CCDC149: variants seen among roughly 807,000 people sequenced by gnomAD.
CCDC149 encodes the protein coiled-coil domain containing 149.
Under a neutral mutation model 59.9 loss-of-function variants are expected in CCDC149, and 45 were observed. That is an observed-to-expected ratio of 0.75 (90% CI 0.59 to 0.96). The LOEUF (loss-of-function observed/expected upper bound fraction) is 0.96, where lower values mean the gene tolerates loss of function less well. Among genes scored for constraint, CCDC149 ranks in the 40% least tolerant of loss-of-function variants. CCDC149 has a pLI of 0.00. For missense variants in CCDC149, 584 were observed against 664.7 expected (o/e 0.88, Z 1.33); for synonymous variants, 245 against 260.6 (o/e 0.94, Z 0.58).
intron 1 of CCDC149, among the ~76,000 whole-genome samples, chr4:24,950,148 G>A (rs1235548333): frequency 6.6e-6 from 1 of 152,226 alleles, no homozygotes; most frequent in Non-Finnish European, 1.5e-5. Flanking sequence ...TCAGCCTCAT[G>A]AGGTGGCAGA....
intron 1 of CCDC149, among the ~76,000 whole-genome samples, chr4:24,895,584 C>T (rs1270144675): frequency 6.6e-6 from 1 of 152,160 alleles, no homozygotes; most frequent in East Asian, 1.9e-4. Context: ...TAGATAACAC[C>T]TTCAGTCATT....
At chr4:24,938,695 C>G (rs1201182053) in intron 1 of CCDC149, among the ~76,000 whole-genome samples, 1 of 152,202 alleles carries the variant, frequency 6.6e-6, no homozygotes, top group African/African-American at 2.4e-5. Context: ...CACTCCCACC[C>G]TAACACTACG....
At chr4:24,923,766 C>T (rs1371808656) in intron 1 of CCDC149, among the ~76,000 whole-genome samples, 3 of 152,292 alleles carry the variant, frequency 2.0e-5, no homozygotes, top group East Asian at 3.9e-4. Flanking sequence ...TGCTGGGAAC[C>T]TTTGAAGTGT....
Position 24,839,421 on chromosome 4 carries a change from C to T in CCDC149, c.373-1149G>A, listed in dbSNP as rs543249286. Among the ~76,000 whole-genome samples, 25 of 152,220 alleles carry T rather than the reference C, an allele frequency of 1.6e-4. No homozygotes were observed. In the East Asian group the frequency reaches 2.9e-3, roughly 18 times the overall value. On this transcript the variant is annotated intron_variant, in intron 4 of 12. Transcript: ENST00000635206. ...GTCTCGATCTCCTGACCTTGTGATC[C>T]GCCTGCCTCAGCCTCCCAAAGTGCT... is the stretch of plus-strand genomic sequence containing the variant.
chr4:24,838,086 T>G (rs1716659669), intron 5 of CCDC149, 70 bp downstream of exon 5: 2 of 1,194,918 alleles, frequency 1.7e-6, no homozygotes, highest in Admixed American at 1.7e-5. Context: ...AGGGGCACAG[T>G]CCACTCTTGT....
chr4:24,832,062 C>A (rs1483429374), intron 8 of CCDC149, among the ~76,000 whole-genome samples: 1 of 152,164 alleles, frequency 6.6e-6, no homozygotes, highest in African/African-American at 2.4e-5. Context: ...GACAATCACT[C>A]CTAGCTCCAA....
rs569477108 is a variant in CCDC149, at chr4:24,838,232, T to C, written c.413A>G (p.Glu138Gly). ...TGCAAAGTGTCGCACGCCGATTGCT[T>C]CGTCTCCGAGCCTTTGTTTGGCAAT... Residue 138 changes from glutamate (E) to glycine (G), a missense_variant, in exon 5 of 13, where the codon GAA becomes GGA. Transcript: ENST00000635206. 2 of 1,614,200 alleles carry C rather than the reference T, an allele frequency of 1.2e-6. No individual in the cohort carries two copies. The highest frequency in any genetic ancestry group is 1.7e-6 in the Non-Finnish European group (2 of 1,180,036).
chr4:24,808,315 G>A lies in CCDC149; in HGVS notation c.*74C>T, dbSNP rs1412761396. ...TATTTCAGGAGAAGGCGACGTGAGC[G>A]CACCATTCCGATGCTTCATTCTTGA... On this transcript the variant is annotated 3_prime_UTR_variant, in exon 13 of 13. Transcript: ENST00000635206. 51 of 1,325,074 alleles carry A rather than the reference G, an allele frequency of 3.8e-5. No homozygotes were observed. The highest frequency in any genetic ancestry group is 1.9e-4 in the Middle Eastern group (1 of 5,264). 82.1% of individuals were successfully genotyped at this position (1,325,074 alleles called of 1,614,324 possible).
intron 1 of CCDC149, among the ~76,000 whole-genome samples, chr4:24,922,382 A>G (rs1167093020): frequency 1.3e-5 from 2 of 152,132 alleles, no homozygotes; most frequent in African/African-American, 4.8e-5. Flanking sequence ...CCCTCACCCC[A>G]CCAACTTCAG....
chr4:24,895,092 C>A lies in CCDC149; in HGVS notation c.63+17725G>T, dbSNP rs1229158390. ...GATGAGTTAATGACGTGGCAACTAT[C>A]CACTACTTATGAATAAGTAGTGCTG... On this transcript the variant is annotated intron_variant, in intron 1 of 12. Coordinates refer to ENST00000635206, the MANE Select transcript of CCDC149 (RefSeq NM_001330643.2). 4 of 1,267,878 alleles carry A rather than the reference C, an allele frequency of 3.2e-6. No individual in the cohort carries two copies. In the African/African-American group the frequency reaches 4.4e-5, roughly 14 times the overall value. The allele number at this position is 1,267,878 out of a possible 1,614,324, so 78.5% of individuals were successfully genotyped here.
At chr4:24,839,768 A>C (rs1716824669) in intron 4 of CCDC149, among the ~76,000 whole-genome samples, 1 of 152,182 alleles carries the variant, frequency 6.6e-6, no homozygotes, top group African/African-American at 2.4e-5. Context: ...GCCACTGAAG[A>C]GTGACTTTCA....
chr4:24,874,526 G>A (rs9683753), intron 2 of CCDC149, among the ~76,000 whole-genome samples: 6 of 151,876 alleles, frequency 4.0e-5, no homozygotes, highest in South Asian at 4.2e-4. Flanking sequence ...AGGTTGCAGC[G>A]AGCAGAGATT....
At chr4:24,924,356 C>T (rs377746543) in intron 1 of CCDC149, among the ~76,000 whole-genome samples, 3 of 152,094 alleles carry the variant, frequency 2.0e-5, no homozygotes, top group East Asian at 1.9e-4. Flanking sequence ...CATAACAAAC[C>T]ATCCCAAGTT....
chr4:24,925,184 C>T (rs1722403372), intron 1 of CCDC149, among the ~76,000 whole-genome samples: 1 of 152,156 alleles, frequency 6.6e-6, no homozygotes, highest in South Asian at 2.1e-4. Flanking sequence ...CTGCTGTAGA[C>T]ATTCCTGTTC....
At chr4:24,955,922 A>G (rs1170277442) in intron 1 of CCDC149, among the ~76,000 whole-genome samples, 1 of 152,250 alleles carries the variant, frequency 6.6e-6, no homozygotes, top group Admixed American at 6.5e-5. Flanking sequence ...GAAAATTCTT[A>G]TAGAGACTTC....
intron 3 of CCDC149, among the ~76,000 whole-genome samples, chr4:24,866,185 T>C (rs1475014522): frequency 3.3e-5 from 5 of 152,172 alleles, no homozygotes; most frequent in Non-Finnish European, 7.4e-5. Context: ...ATGCTCTGAT[T>C]TTTCCAGGGT....
chr4:24,922,758 T>C (rs1421787453), intron 1 of CCDC149, among the ~76,000 whole-genome samples: 2 of 152,190 alleles, frequency 1.3e-5, no homozygotes, highest in Non-Finnish European at 2.9e-5. Flanking sequence ...TTTCTCTCGC[T>C]GGGGGCTTCT....
At chr4:24,925,468 C>T (rs1274966518) in intron 1 of CCDC149, among the ~76,000 whole-genome samples, 2 of 152,174 alleles carry the variant, frequency 1.3e-5, no homozygotes, top group Non-Finnish European at 2.9e-5. Context: ...TCCATCAAAG[C>T]TAACATGCTT....
chr4:24,904,859 T>C (rs1194225467), intron 1 of CCDC149, among the ~76,000 whole-genome samples: 1 of 152,216 alleles, frequency 6.6e-6, no homozygotes, highest in Admixed American at 6.5e-5. Context: ...TTAATCCTTT[T>C]GTCCATTTAA....
Sources: allele counts gnomAD v4.1 joint callset (sites outside exome capture counted in the v4.1 genomes callset), GRCh38; gene constraint gnomAD v4.1.1; transcripts MANE v1.5; gene names NCBI Gene and HGNC (gene_info 2026-07-23, HGNC 2026-07-21).